NAALADL2: variants seen among roughly 807,000 people sequenced by gnomAD.
The protein encoded by NAALADL2 is N-acetylated alpha-linked acidic dipeptidase like 2, also known as inactive N-acetylated-alpha-linked acidic dipeptidase-like protein 2.
A neutral mutation model predicts 87.2 loss-of-function variants in NAALADL2; 76 were observed. That is an observed-to-expected ratio of 0.87 (90% CI 0.72 to 1.05). NAALADL2 has a LOEUF of 1.05. Ranked by LOEUF, NAALADL2 falls within the 50% of genes least tolerant of loss-of-function variation. The probability of loss-of-function intolerance (pLI) is 0.00; values close to 1 mark genes in which losing one functional copy is unlikely to be tolerated. For missense variants in NAALADL2, 1,089 were observed against 945.8 expected (o/e 1.15, Z -1.99); for synonymous variants, 354 against 331.0 (o/e 1.07, Z -0.75).
At chr3:174,532,011 C>T (rs1022467809) in intron 1 of NAALADL2, among the ~76,000 whole-genome samples, 15 of 151,950 alleles carry the variant, frequency 9.9e-5, no homozygotes, top group African/African-American at 1.7e-4. Context: ...ATATCTGACC[C>T]CAGTGATTGT....
chr3:175,119,408 G>A (rs957099791), intron 2 of NAALADL2, among the ~76,000 whole-genome samples: 1 of 151,450 alleles, frequency 6.6e-6, no homozygotes. Context: ...ATGGTCTAAA[G>A]GTACAGAGTT....
chr3:175,417,026 T>A (rs1405038021), intron 5 of NAALADL2, among the ~76,000 whole-genome samples: 1 of 150,728 alleles, frequency 6.6e-6, no homozygotes, highest in Non-Finnish European at 1.5e-5. Flanking sequence ...GTTTATGATA[T>A]ATTTAATAAT....
chr3:175,749,546 G>A (rs1056041580), intron 12 of NAALADL2, among the ~76,000 whole-genome samples: 2 of 150,378 alleles, frequency 1.3e-5, no homozygotes, highest in African/African-American at 2.4e-5. Flanking sequence ...GGCAGAAGAG[G>A]GGAAAACAAA....
intron 2 of NAALADL2, among the ~76,000 whole-genome samples, chr3:175,182,795 C>T (rs1312922692): frequency 6.6e-6 from 1 of 151,710 alleles, no homozygotes; most frequent in Non-Finnish European, 1.5e-5. Context: ...GGGTCAAATA[C>T]AAAAAAATAA....
At chr3:174,766,608 T>C (rs147999974) in intron 3 of NAALADL2, among the ~76,000 whole-genome samples, 20 of 152,346 alleles carry the variant, frequency 1.3e-4, no homozygotes, top group African/African-American at 4.8e-4. Context: ...ACATCTGTTT[T>C]TGTTGTTATT....
rs148938965 is a variant in NAALADL2 at position 174,727,644 on chromosome 3, A to G, written c.-114-9997A>G. Among the ~76,000 whole-genome samples, 192 of 152,182 alleles carry G rather than the reference A, an allele frequency of 1.3e-3. 2 individuals carry two copies. Among genetic ancestry groups the G allele is most frequent in the African/African-American group, 4.5e-3 (186 of 41,548 alleles). ...TCTCATGTATCCCTCCCCAACCCCA[A>G]AGCACAACCTCCCCTGGCATCAACA... On this transcript the variant is annotated intron_variant, in intron 2 of 3. Transcript: ENST00000434257.
chr3:174,981,773 A>G (rs566836424), intron 1 of NAALADL2, among the ~76,000 whole-genome samples: 3 of 152,184 alleles, frequency 2.0e-5, no homozygotes, highest in East Asian at 1.9e-4. Context: ...CTCCATAAAT[A>G]TTTCCAGTAC....
At chr3:175,628,407 G>A (rs895557680) in intron 11 of NAALADL2, among the ~76,000 whole-genome samples, 1 of 151,214 alleles carries the variant, frequency 6.6e-6, no homozygotes, top group Non-Finnish European at 1.5e-5. Flanking sequence ...TGAAATGTGT[G>A]TATTTTTATA....
intron 11 of NAALADL2, among the ~76,000 whole-genome samples, chr3:175,697,869 G>A (rs1738126307): frequency 1.9e-5 from 2 of 105,584 alleles, no homozygotes; most frequent in South Asian, 5.8e-4. Flanking sequence ...ATATATGTAT[G>A]TATACATATA....
intron 4 of NAALADL2, among the ~76,000 whole-genome samples, chr3:175,273,795 T>C (rs1753196018): frequency 6.6e-6 from 1 of 152,106 alleles, no homozygotes; most frequent in Non-Finnish European, 1.5e-5. Flanking sequence ...ACATCTATTA[T>C]GGATAAATAG....
chr3:175,087,047 T>C (rs573313559), intron 1 of NAALADL2, among the ~76,000 whole-genome samples: 2 of 152,220 alleles, frequency 1.3e-5, no homozygotes, highest in Middle Eastern at 3.4e-3. Flanking sequence ...CTAGAAAAAA[T>C]ATTAATGTAA....
chr3:174,825,287 C>T (rs1336792434), intron 3 of NAALADL2, among the ~76,000 whole-genome samples: 1 of 150,562 alleles, frequency 6.6e-6, no homozygotes, highest in Non-Finnish European at 1.5e-5. Flanking sequence ...AGAGTAATTC[C>T]CAGTCCAAGG....
chr3:174,887,382 TAATC>T (rs141760031), intron 1 of NAALADL2, among the ~76,000 whole-genome samples: 11,048 of 150,780 alleles, frequency 0.073, 504 homozygotes, highest in East Asian at 0.11. Context: ...TTAATGGTAT[TAATC>T]AATTATATAT....
At chr3:175,484,723 T>A (rs1464518979) in intron 9 of NAALADL2, among the ~76,000 whole-genome samples, 3 of 152,136 alleles carry the variant, frequency 2.0e-5, no homozygotes, top group African/African-American at 7.2e-5. Flanking sequence ...AAGCTGTAGT[T>A]AACGACTGCA....
chr3:175,217,719 T>A (rs766283435), intron 2 of NAALADL2, among the ~76,000 whole-genome samples: 1 of 152,248 alleles, frequency 6.6e-6, no homozygotes, highest in African/African-American at 2.4e-5. Context: ...TCATGCATTA[T>A]GTGGCCTTTA....
intron 2 of NAALADL2, among the ~76,000 whole-genome samples, chr3:175,161,486 A>G (rs1733205866): frequency 6.6e-6 from 1 of 152,158 alleles, no homozygotes. Flanking sequence ...ATGTTGTTGC[A>G]CCATTGTCTC....
chr3:175,714,384 C>T lies in NAALADL2; in HGVS notation c.1897-22922C>T, dbSNP rs370650453. 1.2e-4 allele frequency among the ~76,000 whole-genome samples: 18 copies of T among 152,284 alleles called. 1 individual carries two copies. The highest frequency in any genetic ancestry group is 3.8e-4 in the African/African-American group (16 of 41,586). On this transcript the variant is annotated intron_variant, in intron 11 of 13. Transcript: ENST00000454872. The stretch of plus-strand genomic sequence containing the variant: ...CATCCCTATTTCTCCACATCCTCTC[C>T]AGCATCTGTTGTTTCCTGACTTTTT...
chr3:175,088,558 A>C (rs1719491636), intron 1 of NAALADL2, among the ~76,000 whole-genome samples: 1 of 152,262 alleles, frequency 6.6e-6, no homozygotes. Context: ...ATATAAGTTT[A>C]GAATAAAGCA....
intron 1 of NAALADL2, among the ~76,000 whole-genome samples, chr3:174,544,562 G>GT (rs1560044198): frequency 8.0e-6 from 1 of 124,972 alleles, no homozygotes; most frequent in Non-Finnish European, 1.7e-5. Context: ...CTTTTTTTTT[G>GT]TTTTCTTTTT....
Sources: allele counts gnomAD v4.1 joint callset (sites outside exome capture counted in the v4.1 genomes callset), GRCh38; gene constraint gnomAD v4.1.1; transcripts MANE v1.5; gene names NCBI Gene and HGNC (gene_info 2026-07-23, HGNC 2026-07-21).